HBP1: variants seen among roughly 807,000 people sequenced by gnomAD.
HBP1 encodes the protein HMG box-containing protein 1.
Under a neutral mutation model 62.6 loss-of-function variants are expected in HBP1, and 20 were observed. The ratio of observed to expected loss-of-function variants is 0.32; its 90% CI spans 0.22 to 0.46. The LOEUF (loss-of-function observed/expected upper bound fraction) is 0.46. HBP1 is among the 20% of genes least tolerant of loss of function. HBP1 has a pLI of 1.00. For missense variants in HBP1, 480 were observed against 611.8 expected (o/e 0.78, Z 2.27); for synonymous variants, 232 against 206.2 (o/e 1.12, Z -1.07).
At chr7:107,193,180 C>T (rs979546704) in intron 8 of HBP1, 1 of 152,148 alleles carries the variant, frequency 6.6e-6, no homozygotes, top group Non-Finnish European at 1.5e-5. Context: ...AGTTTTGACT[C>T]TTTGAAGTTG....
In HBP1 at chr7:107,196,749, A is replaced by G. The variant is rs551847275; in HGVS notation, c.1385+598A>G. The stretch of plus-strand genomic sequence containing the variant: ...CTGTAGCCTGTATCTCCCAGGCTCA[A>G]TCCTCCCACCTCAGCTTCCTGAATG... On this transcript the variant is annotated intron_variant, in intron 9 of 10. Coordinates refer to ENST00000222574, the MANE Select transcript of HBP1 (RefSeq NM_012257.4). The G allele has an allele frequency of 2.8e-3, 444 of 156,028 alleles. 6 individuals are homozygous for G. The highest frequency in any genetic ancestry group is 0.027 in the South Asian group (140 of 5,212). 9.7% of individuals were successfully genotyped at this position (156,028 alleles called of 1,614,324 possible).
rs750160036 is a variant in HBP1 at position 107,182,582 on chromosome 7, C to A, written c.379C>A (p.Gln127Lys). ...GACCAGTCCACAAAGTCCACTGATG[C>A]AGTGCTCATTTTACAATAGGTAGGA... is the stretch of plus-strand genomic sequence containing the variant. ...IATSPQSPLMQCSFYNRSSPV... is the reference protein window; with the variant it reads ...IATSPQSPLMKCSFYNRSSPV... Residue 127 changes from glutamine (Q) to lysine (K), a missense_variant, in exon 3 of 11, where the codon CAG (glutamine) becomes AAG (lysine). Physicochemically the swap from Gln to Lys is moderately conservative, Grantham distance 53 (BLOSUM62 1). Coordinates refer to ENST00000222574, the MANE Select transcript of HBP1 (RefSeq NM_012257.4). The A allele has an allele frequency of 1.3e-6, 2 of 1,581,154 alleles. No individual in the cohort carries two copies. Among genetic ancestry groups the A allele is most frequent in the African/African-American group, 1.3e-5 (1 of 74,218 alleles).
intron 1 of HBP1, among the ~76,000 whole-genome samples, chr7:107,176,550 C>T (rs922493131): frequency 1.3e-5 from 2 of 151,956 alleles, no homozygotes; most frequent in African/African-American, 4.8e-5. Context: ...GTATTCTGCA[C>T]CTGGAAACAA....
At position 107,170,889 on chromosome 7, in the gene HBP1, A is replaced by T. The variant is rs117910657; in HGVS notation, c.-16+1704A>T. Among the ~76,000 whole-genome samples the T allele has an allele frequency of 2.1e-3, 317 of 149,754 alleles. 8 individuals carry two copies. In the East Asian group the frequency reaches 0.048, roughly 23 times the overall value. ...CTCAGACGTCAAACATGATACTGTC[A>T]CTGTAAGAGTTGTTTTCTTCACTAT... On this transcript the variant is annotated intron_variant, in intron 1 of 10. Coordinates refer to ENST00000222574, the MANE Select transcript of HBP1 (RefSeq NM_012257.4).
intron 1 of HBP1, among the ~76,000 whole-genome samples, chr7:107,176,260 G>T (rs1038194609): frequency 1.3e-5 from 2 of 151,910 alleles, no homozygotes; most frequent in African/African-American, 4.8e-5. Flanking sequence ...TCCTGACCTC[G>T]TGATCCGCCC....
At chr7:107,178,875 A>C (rs896327592) in intron 1 of HBP1, among the ~76,000 whole-genome samples, 3 of 152,120 alleles carry the variant, frequency 2.0e-5, no homozygotes, top group Non-Finnish European at 4.4e-5. Flanking sequence ...TTTACTAAAA[A>C]TACAAAAAAT....
chr7:107,199,782 T>A (rs1311564520), intron 9 of HBP1, among the ~76,000 whole-genome samples: 1 of 152,224 alleles, frequency 6.6e-6, no homozygotes, highest in East Asian at 1.9e-4. Context: ...TTTTCTCAAG[T>A]AATAAAAAAT....
chr7:107,170,490 G>A (rs1011413453), intron 1 of HBP1, among the ~76,000 whole-genome samples: 2 of 150,750 alleles, frequency 1.3e-5, no homozygotes, highest in African/African-American at 4.9e-5. Flanking sequence ...CTGTTCAGTT[G>A]CCTTGGTTAA....
intron 6 of HBP1, among the ~76,000 whole-genome samples, chr7:107,187,843 C>CA (rs371073328): frequency 1.3e-5 from 2 of 152,342 alleles, no homozygotes; most frequent in African/African-American, 4.8e-5. Flanking sequence ...TCCTGATTCT[C>CA]AGTCTTTTAG....
At chr7:107,189,931 T>A in intron 7 of HBP1, 1 of 344,768 alleles carries the variant, frequency 2.9e-6, no homozygotes, top group East Asian at 4.7e-5. Flanking sequence ...AAGTGCTGAT[T>A]GATAGAGGAG....
intron 9 of HBP1, among the ~76,000 whole-genome samples, chr7:107,198,695 T>C (rs1459847093): frequency 1.3e-5 from 2 of 152,044 alleles, no homozygotes; most frequent in East Asian, 1.9e-4. Flanking sequence ...AATTCTCATT[T>C]GGAGGCAAAT....
Position 107,169,532 on chromosome 7 carries a change from G to C in HBP1, c.-16+347G>C, listed in dbSNP as rs577064248. On this transcript the variant is annotated intron_variant, in intron 1 of 10. Transcript: ENST00000222574. The stretch of plus-strand genomic sequence containing the variant: ...CGGGGGAAGGGGCCGACGCAGCGCC[G>C]GGGCTGCCCAGGAAAGTTTGACTTC... Among the ~76,000 whole-genome samples the C allele has an allele frequency of 4.0e-5, 6 of 151,192 alleles. No homozygotes were observed. The East Asian group carries it at 8.0e-4, about 20-fold the overall frequency.
intron 10 of HBP1, 128 bp downstream of exon 10, chr7:107,200,429 A>C (rs755291054): frequency 1.6e-6 from 1 of 608,788 alleles, no homozygotes; most frequent in Non-Finnish European, 2.7e-6. Context: ...TTATACTTCA[A>C]AACCTAATAA....
chr7:107,172,935 A>C (rs750766696), intron 1 of HBP1, among the ~76,000 whole-genome samples: 3 of 152,192 alleles, frequency 2.0e-5, no homozygotes, highest in African/African-American at 4.8e-5. Flanking sequence ...CAAATAAGAA[A>C]ACAGGCCTAG....
Position 107,200,294 on chromosome 7 carries a change from C to T in HBP1, c.1520C>T (p.Thr507Ile). The T allele has an allele frequency of 1.2e-6, 2 of 1,612,030 alleles. No homozygotes were observed. The highest frequency in any genetic ancestry group is 1.7e-6 in the Non-Finnish European group (2 of 1,178,904). The change falls in exon 10 of 11, where the codon ACC becomes ATC. Residue 507 changes from threonine (T) to isoleucine (I), a missense_variant. This residue lies in a region of HBP1 where 52 missense variants were observed against 96.0 expected (regional missense o/e 0.54). Transcript: ENST00000222574. ...CCTGACTGTTGGAAGAGGAAAAGAACCAATTCAGTATGTTTCAATAAATAG... is the reference window on the plus strand; with the variant it reads ...CCTGACTGTTGGAAGAGGAAAAGAATCAATTCAGTATGTTTCAATAAATAG... ...LNPDCWKRKR[T>I]NSGSQQH
chr7:107,194,396 T>C (rs774583695), intron 8 of HBP1, among the ~76,000 whole-genome samples: 70 of 152,232 alleles, frequency 4.6e-4, no homozygotes, highest in Non-Finnish European at 3.2e-4. Context: ...TGGGAGGGGC[T>C]GAAGATATCT....
In HBP1 at chr7:107,202,137, C is replaced by T. The variant is rs1006438718; in HGVS notation, c.*706C>T. ...AGTTAATAGCATTGGGATATAGTCA[C>T]TGTAATGGTGCTATTAACAAACAGT... is the stretch of plus-strand genomic sequence containing the variant. On this transcript the variant is annotated 3_prime_UTR_variant, in exon 11 of 11. Coordinates refer to ENST00000222574, the MANE Select transcript of HBP1 (RefSeq NM_012257.4). 6.5e-6 allele frequency: 1 copy of T among 152,682 alleles called. No homozygotes were observed. 9.5% of individuals were successfully genotyped at this position (152,682 alleles called of 1,614,324 possible).
intron 1 of HBP1, among the ~76,000 whole-genome samples, chr7:107,177,375 G>A (rs1796901248): frequency 6.6e-6 from 1 of 152,282 alleles, no homozygotes; most frequent in East Asian, 1.9e-4. Flanking sequence ...AGGCTCTAAA[G>A]CAGTGCCCAG....
At position 107,171,061 on chromosome 7, in the gene HBP1, A is replaced by AT. The variant is rs1427195906; in HGVS notation, c.-16+1877dup. Among the ~76,000 whole-genome samples the AT allele has an allele frequency of 2.2e-4, 14 of 64,948 alleles. 1 individual carries two copies. The highest frequency in any genetic ancestry group is 3.4e-4 in the African/African-American group (2 of 5,894). 42.6% of individuals were successfully genotyped at this position (64,948 alleles called of 152,430 possible). A position where few individuals can be genotyped will look rare whatever the true frequency, so the allele number is the denominator to read the frequency against. ...TACATGTATAAATATATATATATAT[A>AT]TATATATATATATTTTTTTTTTTTT... On this transcript the variant is annotated intron_variant, in intron 1 of 10. Coordinates refer to ENST00000222574, the MANE Select transcript of HBP1 (RefSeq NM_012257.4).
Sources: allele counts gnomAD v4.1 joint callset (sites outside exome capture counted in the v4.1 genomes callset), GRCh38; gene constraint gnomAD v4.1.1; regional missense constraint gnomAD v4.1.1; transcripts MANE v1.5; gene names NCBI Gene and HGNC (gene_info 2026-07-23, HGNC 2026-07-21).